CLVS1: variants seen among roughly 807,000 people sequenced by gnomAD.
The protein encoded by CLVS1 is clavesin 1.
Under a neutral mutation model 33.1 loss-of-function variants are expected in CLVS1, and 10 were observed. The ratio of observed to expected loss-of-function variants is 0.30; its 90% confidence interval spans 0.19 to 0.51. The LOEUF (loss-of-function observed/expected upper bound fraction) is 0.51. Ranked by LOEUF, CLVS1 falls within the 20% of genes least tolerant of loss-of-function variation. The pLI is 0.97. For missense variants in CLVS1, 343 were observed against 433.4 expected (o/e 0.79, Z 1.85); for synonymous variants, 163 against 166.1 (o/e 0.98, Z 0.14).
intron 4 of CLVS1, among the ~76,000 whole-genome samples, chr8:61,456,939 T>C (rs1355048095): frequency 8.8e-5 from 13 of 148,328 alleles, no homozygotes; most frequent in Admixed American, 5.3e-4. Flanking sequence ...AAAATACATA[T>C]AGATTTTTTT....
intron 3 of CLVS1, among the ~76,000 whole-genome samples, chr8:61,423,608 A>T (rs1200655753): frequency 6.6e-6 from 1 of 152,206 alleles, no homozygotes; most frequent in Non-Finnish European, 1.5e-5. Context: ...GAGCGCCCTA[A>T]ATCTCACCAA....
At chr8:61,177,104 C>T (rs1272450983) in intron 2 of CLVS1, among the ~76,000 whole-genome samples, 7 of 152,172 alleles carry the variant, frequency 4.6e-5, no homozygotes, top group East Asian at 1.9e-4. Flanking sequence ...AAAGGAATGG[C>T]GGCAGCCATT....
chr8:61,475,498 T>C (rs1817889780), intron 5 of CLVS1, among the ~76,000 whole-genome samples: 1 of 152,236 alleles, frequency 6.6e-6, no homozygotes, highest in Non-Finnish European at 1.5e-5. Context: ...CTAACTGGTG[T>C]GAGATGGTAT....
At chr8:61,408,646 T>C (rs2129603912) in intron 3 of CLVS1, among the ~76,000 whole-genome samples, 1 of 152,304 alleles carries the variant, frequency 6.6e-6, no homozygotes, top group African/African-American at 2.4e-5. Context: ...AACCACTGTT[T>C]ATAAGTGAAG....
chr8:61,008,632 G>A, the CLVS1 span, among the ~76,000 whole-genome samples: 6 of 152,002 alleles, frequency 3.9e-5, no homozygotes, highest in East Asian at 9.7e-4. Context: ...CACAGCAGGC[G>A]GGCATTCACT....
chr8:61,331,017 G>A (rs1231558512), intron 2 of CLVS1, among the ~76,000 whole-genome samples: 1 of 152,038 alleles, frequency 6.6e-6, no homozygotes, highest in Non-Finnish European at 1.5e-5. Flanking sequence ...AGGAGTTAGA[G>A]GCTGCAGTGA....
At chr8:61,350,298 T>C (rs979715746) in intron 2 of CLVS1, among the ~76,000 whole-genome samples, 3 of 152,136 alleles carry the variant, frequency 2.0e-5, no homozygotes, top group African/African-American at 7.2e-5. Flanking sequence ...CCCATTTGGG[T>C]CATTGCTGAC....
intron 2 of CLVS1, among the ~76,000 whole-genome samples, chr8:61,182,004 C>A (rs1419821422): frequency 6.6e-6 from 1 of 152,104 alleles, no homozygotes; most frequent in Non-Finnish European, 1.5e-5. Flanking sequence ...TCCTGCCCAA[C>A]CATCTGATCT....
At chr8:61,210,140 T>C (rs1010169689) in intron 2 of CLVS1, among the ~76,000 whole-genome samples, 31 of 152,208 alleles carry the variant, frequency 2.0e-4, no homozygotes, top group African/African-American at 7.5e-4. Context: ...AAAATTCCCA[T>C]GTTGGAACTA....
At chr8:61,101,284 G>T (rs1178109640) in intron 1 of CLVS1, among the ~76,000 whole-genome samples, 1 of 152,048 alleles carries the variant, frequency 6.6e-6, no homozygotes. Context: ...GATGTAAAGT[G>T]GTATCTCATT....
At chr8:61,281,273 T>A (rs964345755) in intron 2 of CLVS1, among the ~76,000 whole-genome samples, 1 of 152,134 alleles carries the variant, frequency 6.6e-6, no homozygotes, top group African/African-American at 2.4e-5. Flanking sequence ...TTGGGGGTAT[T>A]ATGGACTTAA....
chr8:61,009,239 C>G, the CLVS1 span, among the ~76,000 whole-genome samples: 1 of 151,872 alleles, frequency 6.6e-6, no homozygotes, highest in East Asian at 1.9e-4. Flanking sequence ...GCCTCGCCCT[C>G]CCAGGCTCAA....
At chr8:61,354,654 G>A (rs1171899995) in intron 2 of CLVS1, among the ~76,000 whole-genome samples, 1 of 151,972 alleles carries the variant, frequency 6.6e-6, no homozygotes, top group East Asian at 1.9e-4. Flanking sequence ...ACAATAAAAG[G>A]AATGAACTAT....
At chr8:61,020,461 T>C in the CLVS1 span, among the ~76,000 whole-genome samples, 1 of 152,232 alleles carries the variant, frequency 6.6e-6, no homozygotes, top group Non-Finnish European at 1.5e-5. Context: ...TAGTTTGGAA[T>C]AACAGCTTAG....
chr8:61,411,424 G>A (rs1382201129), intron 3 of CLVS1, among the ~76,000 whole-genome samples: 1 of 152,152 alleles, frequency 6.6e-6, no homozygotes, highest in Non-Finnish European at 1.5e-5. Flanking sequence ...GACAGAGGCT[G>A]GGTGGGATAG....
chr8:61,117,727 T>C (rs898284087), intron 1 of CLVS1, among the ~76,000 whole-genome samples: 14 of 152,224 alleles, frequency 9.2e-5, no homozygotes, highest in African/African-American at 3.1e-4. Flanking sequence ...GAAGCCCACT[T>C]GATCATGGTG....
chr8:61,229,066 ATCTTTTTTG>A (rs1808383669), intron 2 of CLVS1, among the ~76,000 whole-genome samples: 1 of 152,094 alleles, frequency 6.6e-6, no homozygotes, highest in Non-Finnish European at 1.5e-5. Flanking sequence ...CTTACCTTAC[ATCTTTTTTG>A]ATGATTGATG....
chr8:61,488,586 A>T (rs1803959189), intron 5 of CLVS1, among the ~76,000 whole-genome samples: 1 of 152,170 alleles, frequency 6.6e-6, no homozygotes, highest in African/African-American at 2.4e-5. Flanking sequence ...ATACTCTAGG[A>T]AGTGTTGTAA....
intron 1 of CLVS1, among the ~76,000 whole-genome samples, chr8:61,082,227 A>C (rs1805033885): frequency 6.6e-6 from 1 of 152,224 alleles, no homozygotes; most frequent in Non-Finnish European, 1.5e-5. Flanking sequence ...CGCTTAAAGA[A>C]ATGTCAATAG....
Sources: allele counts gnomAD v4.1 joint callset (sites outside exome capture counted in the v4.1 genomes callset), GRCh38; gene constraint gnomAD v4.1.1; transcripts MANE v1.5; gene names NCBI Gene and HGNC (gene_info 2026-07-23, HGNC 2026-07-21).